Variants in PLXNA4 observed in about 807,000 individuals in gnomAD.
PLXNA4 encodes plexin-A4.
A neutral mutation model predicts 191.8 loss-of-function variants in PLXNA4; 44 were observed. That is an observed-to-expected ratio of 0.23 (90% CI 0.18 to 0.29). PLXNA4 has a LOEUF of 0.29. PLXNA4 is among the 10% of genes least tolerant of loss of function. PLXNA4 has a pLI of 1.00. For missense variants in PLXNA4, 1,800 were observed against 2,488.8 expected (o/e 0.72, Z 5.89); for synonymous variants, 1,082 against 1,009.5 (o/e 1.07, Z -1.36).
chr7:132,553,643 T>C (rs545034389), intron 1 of PLXNA4, among the ~76,000 whole-genome samples: 5 of 152,122 alleles, frequency 3.3e-5, no homozygotes, highest in African/African-American at 1.2e-4. Context: ...TGGAACATGG[T>C]TTCTTTGGGT....
intron 4 of PLXNA4, among the ~76,000 whole-genome samples, chr7:132,241,407 C>T (rs1798872738): frequency 6.6e-6 from 1 of 152,166 alleles, no homozygotes; most frequent in African/African-American, 2.4e-5. Context: ...AATACAGACT[C>T]CATACAGTCC....
At chr7:132,269,537 G>A (rs1218176385) in intron 4 of PLXNA4, among the ~76,000 whole-genome samples, 3 of 152,174 alleles carry the variant, frequency 2.0e-5, no homozygotes, top group South Asian at 2.1e-4. Flanking sequence ...TTTGATGACA[G>A]GTTAGGCATG....
At chr7:132,586,900 A>G (rs1205123558) in intron 2 of PLXNA4, among the ~76,000 whole-genome samples, 3 of 152,232 alleles carry the variant, frequency 2.0e-5, no homozygotes, top group Non-Finnish European at 4.4e-5. Flanking sequence ...ACAGCACTCC[A>G]TCCTGGGTGA....
chr7:132,496,833 C>G (rs1469683215), intron 2 of PLXNA4, among the ~76,000 whole-genome samples: 1 of 152,142 alleles, frequency 6.6e-6, no homozygotes, highest in African/African-American at 2.4e-5. Flanking sequence ...TTCCCAGCAC[C>G]AGGGATGAGT....
intron 4 of PLXNA4, among the ~76,000 whole-genome samples, chr7:132,283,001 C>G (rs117091367): frequency 0.045 from 6,833 of 152,144 alleles, 193 homozygotes; most frequent in Middle Eastern, 0.071. Context: ...CTCAGCCCCC[C>G]CCAAGTAACT....
intron 4 of PLXNA4, among the ~76,000 whole-genome samples, chr7:132,284,365 C>T (rs1800603011): frequency 6.6e-6 from 1 of 152,206 alleles, no homozygotes; most frequent in Admixed American, 6.5e-5. Flanking sequence ...CAAGAGGTCT[C>T]CTACACGTGT....
intron 3 of PLXNA4, among the ~76,000 whole-genome samples, chr7:132,321,811 G>C (rs1020691992): frequency 6.6e-6 from 1 of 152,190 alleles, no homozygotes; most frequent in African/African-American, 2.4e-5. Flanking sequence ...GAGCCTGTAT[G>C]CGGGTGGCCA....
intron 3 of PLXNA4, among the ~76,000 whole-genome samples, chr7:132,381,861 A>G (rs1804907203): frequency 6.6e-6 from 1 of 152,186 alleles, no homozygotes; most frequent in Admixed American, 6.5e-5. Context: ...CCTGCAGCCC[A>G]CAATCCCTCC....
intron 1 of PLXNA4, among the ~76,000 whole-genome samples, chr7:132,647,724 A>C (rs1803905113): frequency 2.0e-5 from 3 of 151,596 alleles, no homozygotes; most frequent in Admixed American, 2.0e-4. Flanking sequence ...CAATATACTC[A>C]CATACATTCA....
rs371610649 is a variant in PLXNA4 at position 132,355,433 on chromosome 7, A to G, written c.1372-57211T>C. ...TAAATCCCCCAGGACAGCTGACGTC[A>G]GATTTCATTAGCTGAAAGGGGTGAG... On this transcript the variant is annotated intron_variant, in intron 3 of 31. Transcript: ENST00000321063. 4.1e-3 allele frequency among the ~76,000 whole-genome samples: 624 copies of G among 152,342 alleles called. 3 individuals are homozygous for G. The highest frequency in any genetic ancestry group is 0.014 in the African/African-American group (597 of 41,582).
At chr7:132,354,187 G>A (rs913520599) in intron 3 of PLXNA4, among the ~76,000 whole-genome samples, 5 of 138,602 alleles carry the variant, frequency 3.6e-5, no homozygotes, top group South Asian at 2.1e-4. Context: ...CAGTGTGTGC[G>A]TGTGTGTGTG....
intron 3 of PLXNA4, among the ~76,000 whole-genome samples, chr7:132,434,221 G>A (rs779327653): frequency 4.3e-4 from 66 of 152,096 alleles, no homozygotes; most frequent in Non-Finnish European, 8.1e-4. Context: ...TTGGCACTCC[G>A]GTGCTGGCTT....
intron 3 of PLXNA4, among the ~76,000 whole-genome samples, chr7:132,420,451 C>T (rs751818167): frequency 1.3e-5 from 2 of 152,194 alleles, no homozygotes; most frequent in South Asian, 4.1e-4. Flanking sequence ...TGGTACCTAG[C>T]CTCAGGCTCC....
At chr7:132,588,868 G>A (rs1802556536) in intron 2 of PLXNA4, among the ~76,000 whole-genome samples, 1 of 151,136 alleles carries the variant, frequency 6.6e-6, no homozygotes, top group Admixed American at 6.6e-5. Context: ...GAGGGAGAAA[G>A]GGAAGAAAAG....
intron 2 of PLXNA4, among the ~76,000 whole-genome samples, chr7:132,631,512 A>C (rs1429408224): frequency 1.3e-5 from 2 of 152,148 alleles, no homozygotes; most frequent in African/African-American, 4.8e-5. Flanking sequence ...AGCTAAACCA[A>C]GCTCTAGAGG....
intron 4 of PLXNA4, among the ~76,000 whole-genome samples, chr7:132,286,369 T>C (rs753187057): frequency 1.1e-4 from 16 of 152,176 alleles, no homozygotes; most frequent in Non-Finnish European, 1.9e-4. Context: ...TGGATGATTA[T>C]AGGTGGTTGT....
chr7:132,322,841 A>G (rs967943929), intron 3 of PLXNA4, among the ~76,000 whole-genome samples: 2 of 152,206 alleles, frequency 1.3e-5, no homozygotes, highest in Non-Finnish European at 2.9e-5. Context: ...TCACAAAACC[A>G]GGTTTGGATA....
chr7:132,460,718 A>T (rs1263383549), intron 3 of PLXNA4, among the ~76,000 whole-genome samples: 2 of 152,164 alleles, frequency 1.3e-5, no homozygotes, highest in Non-Finnish European at 2.9e-5. Context: ...CTTTACTAAG[A>T]ATGAATCCTA....
intron 4 of PLXNA4, among the ~76,000 whole-genome samples, chr7:132,279,397 G>A (rs1215390319): frequency 6.6e-6 from 1 of 152,150 alleles, no homozygotes; most frequent in East Asian, 1.9e-4. Flanking sequence ...GGGATGCCAA[G>A]GTGGAAGGAT....
Sources: gnomAD v4.1 joint callset for allele counts (sites outside exome capture counted in the v4.1 genomes callset) on GRCh38, gnomAD v4.1.1 for gene constraint, MANE v1.5 for transcripts, NCBI Gene and HGNC (gene_info 2026-07-23, HGNC 2026-07-21) for gene names.